Variants in PPP5C observed in about 807,000 individuals in gnomAD.
PPP5C encodes protein phosphatase 5 catalytic subunit, also known as serine/threonine-protein phosphatase 5.
A neutral mutation model predicts 66.7 loss-of-function variants in PPP5C; 21 were observed. That is an observed-to-expected ratio of 0.31 (90% CI 0.22 to 0.45). The LOEUF (loss-of-function observed/expected upper bound fraction) is 0.45, where lower values mean the gene tolerates loss of function less well. Among genes scored for constraint, PPP5C ranks in the 20% least tolerant of loss-of-function variants. PPP5C has a pLI of 1.00. For synonymous variants in PPP5C, 246 were observed against 257.4 expected (o/e 0.96, Z 0.43); for missense variants, 464 against 675.9 (o/e 0.69, Z 3.48).
chr19:46,383,383 G>A lies in PPP5C; in HGVS notation c.634-28G>A, dbSNP rs1456702890. ...GGTTGGGCAGCAGCCCCTGCAGCCG[G>A]TCCCACTGAGTCTGCCCTGCCTTCC... On this transcript the variant is annotated intron_variant, in intron 4 of 12. Coordinates refer to ENST00000012443, the MANE Select transcript of PPP5C (RefSeq NM_006247.4). This position sits in a 1 kb window ranked among gnomAD's most constrained non-coding sequence, Gnocchi z 5.0. 6.9e-6 allele frequency: 11 copies of A among 1,605,202 alleles called. No individual in the cohort carries two copies. In the East Asian group the frequency reaches 2.3e-4, roughly 33 times the overall value.
rs759100480 is a variant in PPP5C at position 46,353,859 on chromosome 19, A to G, written c.233A>G (p.Tyr78Cys). 1 of 1,610,668 alleles carries G rather than the reference A, an allele frequency of 6.2e-7. No homozygotes were observed. The highest frequency in any genetic ancestry group is 8.5e-7 in the Non-Finnish European group (1 of 1,178,608). Residue 78 changes from tyrosine (Y) to cysteine (C), a missense_variant, in exon 2 of 13, where the codon TAT becomes TGT. Coordinates refer to ENST00000012443, the MANE Select transcript of PPP5C (RefSeq NM_006247.4). ...CTGGCCTACCTGCGCACTGAGTGCT[A>G]TGGCTACGCGCTGGGAGACGCCACG... ...RSLAYLRTEC[Y>C]GYALGDATRA...
chr19:46,390,545 G>C lies in PPP5C; in HGVS notation c.*199G>C. 7.0e-7 allele frequency: 1 copy of C among 1,421,438 alleles called. No individual in the cohort carries two copies. Among genetic ancestry groups the C allele is most frequent in the Non-Finnish European group, 9.2e-7 (1 of 1,087,738 alleles). The allele number at this position is 1,421,438 out of a possible 1,614,324, so 88.1% of individuals were successfully genotyped here. ...GGCTGGCCAGAGGGTCTGCTCCCTGGACAGAGAGGAAGGAGGTGGAGCAGC... is the reference window on the plus strand; with the variant it reads ...GGCTGGCCAGAGGGTCTGCTCCCTGCACAGAGAGGAAGGAGGTGGAGCAGC... On this transcript the variant is annotated 3_prime_UTR_variant, in exon 13 of 13. Transcript: ENST00000012443.
intron 2 of PPP5C, among the ~76,000 whole-genome samples, chr19:46,371,793 T>G (rs1258194850): frequency 1.3e-5 from 2 of 152,222 alleles, no homozygotes; most frequent in Admixed American, 1.3e-4. Context: ...GAAACCTGAC[T>G]TCCCCCAGCT....
intron 4 of PPP5C, among the ~76,000 whole-genome samples, chr19:46,381,135 C>A (rs1381542880): frequency 1.3e-5 from 2 of 152,156 alleles, no homozygotes; most frequent in East Asian, 3.9e-4. Context: ...TAACTGCTGT[C>A]AAGCCCAACA....
In PPP5C at chr19:46,384,833, C is replaced by T; in HGVS notation, c.828C>T (p.Gly276=). 1 of 1,614,122 alleles carries T rather than the reference C, an allele frequency of 6.2e-7. No individual in the cohort carries two copies. Among genetic ancestry groups the T allele is most frequent in the South Asian group, 1.1e-5 (1 of 91,080 alleles). ...TTAATGGTGACTTTGTGGACCGAGG[C>T]TCCTTCTCTGTAGAAGTGATCCTCA... ...YIFNGDFVDR[G]SFSVEVILTL... is the part of the protein sequence containing the mutation. Residue 276 remains glycine, a synonymous_variant, in exon 7 of 13, where the codon GGC becomes GGT. Coordinates refer to ENST00000012443, the MANE Select transcript of PPP5C (RefSeq NM_006247.4).
chr19:46,377,717 G>A (rs1568573944), intron 4 of PPP5C, among the ~76,000 whole-genome samples: 1 of 152,170 alleles, frequency 6.6e-6, no homozygotes. Context: ...AATTAATTCT[G>A]CCTGGTTTTG....
chr19:46,388,837 C>T lies in PPP5C; in HGVS notation c.1355+106C>T. 1 of 1,411,186 alleles carries T rather than the reference C, an allele frequency of 7.1e-7. No homozygotes were observed. Among genetic ancestry groups the T allele is most frequent in the Non-Finnish European group, 9.7e-7 (1 of 1,033,450 alleles). 87.4% of individuals were successfully genotyped at this position (1,411,186 alleles called of 1,614,324 possible). A position where few individuals can be genotyped will look rare whatever the true frequency, so the allele number is the denominator to read the frequency against. On this transcript the variant is annotated intron_variant, in intron 11 of 12. Coordinates refer to ENST00000012443, the MANE Select transcript of PPP5C (RefSeq NM_006247.4). This position sits in a 1 kb window ranked among gnomAD's most constrained non-coding sequence, Gnocchi z 4.9. The stretch of plus-strand genomic sequence containing the variant: ...GGAACATTTCAAAGACAGGCAAGAG[C>T]AGATAAAAGAACATGACGAACACCC...
At chr19:46,363,082 G>A (rs1438738436) in intron 2 of PPP5C, among the ~76,000 whole-genome samples, 1 of 150,676 alleles carries the variant, frequency 6.6e-6, no homozygotes, top group Non-Finnish European at 1.5e-5. Flanking sequence ...CCACTGCCCC[G>A]GGCCGCCGAC....
At chr19:46,368,711 CT>C (rs1396462898) in intron 2 of PPP5C, among the ~76,000 whole-genome samples, 1 of 152,114 alleles carries the variant, frequency 6.6e-6, no homozygotes, top group Non-Finnish European at 1.5e-5. Context: ...CCCCTCACCC[CT>C]CCCACTCTCC....
chr19:46,384,532 C>A, intron 6 of PPP5C: 1 of 413,308 alleles, frequency 2.4e-6, no homozygotes, highest in South Asian at 2.4e-5. Flanking sequence ...CGCACCTCCC[C>A]GCCACTGGCT....
chr19:46,363,256 C>G (rs1489402723), intron 2 of PPP5C, among the ~76,000 whole-genome samples: 4 of 99,166 alleles, frequency 4.0e-5, no homozygotes, highest in Admixed American at 4.0e-4. Flanking sequence ...TGCAGTGAGC[C>G]GAGATCCCGC....
chr19:46,357,637 G>A (rs1199221708), intron 2 of PPP5C, among the ~76,000 whole-genome samples: 1 of 152,118 alleles, frequency 6.6e-6, no homozygotes, highest in Non-Finnish European at 1.5e-5. Context: ...TATTAATTAG[G>A]GTTTCTGTGA....
At chr19:46,385,208 G>A (rs995055113) in intron 7 of PPP5C, among the ~76,000 whole-genome samples, 3 of 152,192 alleles carry the variant, frequency 2.0e-5, no homozygotes, top group Non-Finnish European at 4.4e-5. Context: ...ACAGGCTCCT[G>A]GGTGGCCCTA....
chr19:46,351,508 A>T (rs1454380778), intron 1 of PPP5C, among the ~76,000 whole-genome samples: 1 of 152,252 alleles, frequency 6.6e-6, no homozygotes, highest in African/African-American at 2.4e-5. Context: ...GAGCTCAGAA[A>T]GAGGAGGCTA....
intron 12 of PPP5C, 37 bp downstream of exon 12, chr19:46,390,169 CG>C: frequency 6.2e-7 from 1 of 1,610,832 alleles, no homozygotes; most frequent in Non-Finnish European, 8.5e-7. Flanking sequence ...CCTTCCATCC[CG>C]GCCTGGGGAC....
At chr19:46,356,161 G>T (rs527486847) in intron 2 of PPP5C, among the ~76,000 whole-genome samples, 11 of 152,184 alleles carry the variant, frequency 7.2e-5, no homozygotes, top group Admixed American at 1.3e-4. Context: ...GGGTTGAGGG[G>T]GTGGGGAATT....
chr19:46,347,643 G>A (rs1915736909), intron 1 of PPP5C, among the ~76,000 whole-genome samples: 1 of 151,374 alleles, frequency 6.6e-6, no homozygotes, highest in African/African-American at 2.4e-5. Context: ...AGGCAATCGT[G>A]GGGGTGGGGA....
rs369398391 is a variant in PPP5C, at chr19:46,353,784, A to G, written c.158A>G (p.Gln53Arg). ...GAGAACGCCATCAAGTTCTACAGCC[A>G]GGCCATCGAGCTGAACCCCAGCAAT... ...DYENAIKFYSQAIELNPSNAI... is the reference protein window; with the variant it reads ...DYENAIKFYSRAIELNPSNAI... The change falls in exon 2 of 13, where the codon CAG becomes CGG. Residue 53 changes from glutamine to arginine, a missense_variant. Physicochemically the swap from Gln to Arg is conservative, Grantham distance 43 (BLOSUM62 1). Transcript: ENST00000012443. 9 of 1,614,048 alleles carry G rather than the reference A, an allele frequency of 5.6e-6. No individual in the cohort carries two copies. Among genetic ancestry groups the G allele is most frequent in the Admixed American group, 1.7e-5 (1 of 60,006 alleles).
chr19:46,378,796 T>C (rs958131120), intron 4 of PPP5C, among the ~76,000 whole-genome samples: 1 of 152,226 alleles, frequency 6.6e-6, no homozygotes, highest in African/African-American at 2.4e-5. Flanking sequence ...CCCTTTTGTA[T>C]TTAACCCATT....
Sources: gnomAD v4.1 joint callset for allele counts (sites outside exome capture counted in the v4.1 genomes callset) on GRCh38, gnomAD v4.1.1 for gene constraint, Gnocchi (gnomAD v3.1) non-coding constraint, MANE v1.5 for transcripts, NCBI Gene and HGNC (gene_info 2026-07-23, HGNC 2026-07-21) for gene names.